The following ORC3 variants were observed in gnomAD, a reference collection of about 807,000 sequenced individuals.
ORC3 encodes the protein homolog of latheo, Drosophila.
Under a neutral mutation model 100.7 loss-of-function variants are expected in ORC3, and 78 were observed. That is an observed-to-expected ratio of 0.77 (90% CI 0.65 to 0.94). ORC3 has a LOEUF of 0.94. ORC3 is among the 40% of genes least tolerant of loss of function. The pLI is 0.00. For synonymous variants in ORC3, 295 were observed against 289.3 expected, an observed-to-expected ratio of 1.02 and a Z score of -0.20; for missense variants, 789 against 823.9, an observed-to-expected ratio of 0.96 and a Z score of 0.52.
chr6:87,672,859 T>C, the ORC3 span, among the ~76,000 whole-genome samples: 1 of 152,054 alleles, frequency 6.6e-6, no homozygotes, highest in Non-Finnish European at 1.5e-5. Flanking sequence ...TATACCTATG[T>C]GCACTTGTTA....
At chr6:87,644,218 A>G (rs1328278301) in intron 13 of ORC3, among the ~76,000 whole-genome samples, 4 of 144,926 alleles carry the variant, frequency 2.8e-5, no homozygotes, top group South Asian at 4.3e-4. Flanking sequence ...TCAGCCTCCC[A>G]AGTAGCTGGG....
chr6:87,656,867 TA>T (rs746667014), intron 14 of ORC3, 38 bp from the exon 15 acceptor site: 71 of 1,400,830 alleles, frequency 5.1e-5, no homozygotes, highest in Non-Finnish European at 6.2e-5. Context: ...GACTTGGATT[TA>T]CCCTCATTGA....
chr6:87,602,092 C>T (rs1777948174), intron 3 of ORC3, among the ~76,000 whole-genome samples: 1 of 152,004 alleles, frequency 6.6e-6, no homozygotes, highest in African/African-American at 2.4e-5. Context: ...ACTAGCTGGG[C>T]ATGGTGGTGT....
intron 9 of ORC3, among the ~76,000 whole-genome samples, chr6:87,617,522 C>T (rs1324915618): frequency 3.9e-5 from 6 of 152,026 alleles, no homozygotes; most frequent in Admixed American, 6.6e-5. Context: ...ATCACTTGAG[C>T]TTAGTAGTTT....
chr6:87,626,366 C>G (rs887973989), intron 11 of ORC3, among the ~76,000 whole-genome samples: 2 of 152,170 alleles, frequency 1.3e-5, no homozygotes, highest in Admixed American at 1.3e-4. Flanking sequence ...TTTCACTGAG[C>G]AGTGGTTTGT....
At chr6:87,609,017 A>G in intron 6 of ORC3, 79 bp from the exon 7 acceptor site, 1 of 1,138,970 alleles carries the variant, frequency 8.8e-7, no homozygotes. Flanking sequence ...AAAGAGAGAT[A>G]TGTCAACATG....
In ORC3 at chr6:87,642,684, C is replaced by T. The variant is rs562405779; in HGVS notation, c.1382+6198C>T. 2.8e-3 allele frequency among the ~76,000 whole-genome samples: 424 copies of T among 152,012 alleles called. 1 individual carries two copies. The highest frequency in any genetic ancestry group is 4.0e-3 in the Non-Finnish European group (270 of 67,976). ...TTGGGAGGCCGAGGCGGATGGATCA[C>T]GAGGTCAGGAGATTGAGACCATCCT... is the stretch of plus-strand genomic sequence containing the variant. On this transcript the variant is annotated intron_variant, in intron 13 of 19. Transcript: ENST00000392844.
At position 87,620,790 on chromosome 6, in the gene ORC3, T is replaced by G. The variant is rs1779477504; in HGVS notation, c.988-564T>G. On this transcript the variant is annotated intron_variant, in intron 9 of 19. Coordinates refer to ENST00000392844, the MANE Select transcript of ORC3 (RefSeq NM_012381.4). ...TTAGAATCTGGAAAATTGTCTTCCC[T>G]TCTACCATAGAGCCCACAGCATTCT... 1.3e-5 allele frequency among the ~76,000 whole-genome samples: 2 copies of G among 152,206 alleles called. 1 individual carries two copies. Among genetic ancestry groups the G allele is most frequent in the Admixed American group, 1.3e-4 (2 of 15,268 alleles).
intron 8 of ORC3, among the ~76,000 whole-genome samples, chr6:87,614,341 A>G (rs1162214269): frequency 6.6e-6 from 1 of 152,148 alleles, no homozygotes; most frequent in Non-Finnish European, 1.5e-5. Context: ...CAGCCCGTGA[A>G]ATCGCTTTTG....
intron 13 of ORC3, among the ~76,000 whole-genome samples, chr6:87,643,702 C>T (rs1053478092): frequency 6.6e-6 from 1 of 152,172 alleles, no homozygotes; most frequent in Non-Finnish European, 1.5e-5. Context: ...ATTTTAAAAA[C>T]TCAGAAATAA....
At chr6:87,635,576 C>T (rs904761753) in intron 12 of ORC3, among the ~76,000 whole-genome samples, 13 of 152,232 alleles carry the variant, frequency 8.5e-5, no homozygotes, top group South Asian at 6.2e-4. Context: ...GCAGGTGGTT[C>T]GCCTGAGGTC....
At chr6:87,665,872 C>A in intron 19 of ORC3, 39 bp downstream of exon 19, 2 of 1,219,702 alleles carry the variant, frequency 1.6e-6, no homozygotes, top group Non-Finnish European at 2.4e-6. Context: ...TCCAACTACA[C>A]ATAAAATATA....
chr6:87,596,219 C>A (rs1174561215), intron 2 of ORC3, among the ~76,000 whole-genome samples: 3 of 150,922 alleles, frequency 2.0e-5, no homozygotes, highest in Non-Finnish European at 4.4e-5. Flanking sequence ...CTGCAACCTC[C>A]GCCTCCCAGG....
At chr6:87,675,979 G>C in the ORC3 span, 1 of 1,515,288 alleles carries the variant, frequency 6.6e-7, no homozygotes, top group Non-Finnish European at 9.0e-7. Context: ...TGCCTTATTA[G>C]AGCCAGATAA....
downstream of ORC3, among the ~76,000 whole-genome samples, chr6:87,667,664 C>T (rs1182286287): frequency 6.6e-6 from 1 of 151,724 alleles, no homozygotes; most frequent in African/African-American, 2.4e-5. Context: ...CGTGGTGGCT[C>T]ACACCTGTAA....
At position 87,603,448 on chromosome 6, in the gene ORC3, A is replaced by T; in HGVS notation, c.242A>T (p.His81Leu). 1 of 1,533,110 alleles carries T rather than the reference A, an allele frequency of 6.5e-7. No homozygotes were observed. Among genetic ancestry groups the T allele is most frequent in the South Asian group, 1.3e-5 (1 of 78,732 alleles). The allele number at this position is 1,533,110 out of a possible 1,614,324, so 95.0% of individuals were successfully genotyped here. A position where few individuals can be genotyped will look rare whatever the true frequency, so the allele number is the denominator to read the frequency against. The change falls in exon 4 of 20, where the codon CAT becomes CTT. Residue 81 changes from histidine to leucine, a missense_variant. This residue lies in a region of ORC3 where 399 missense variants were observed against 382.0 expected (regional missense o/e 1.04). Coordinates refer to ENST00000392844, the MANE Select transcript of ORC3 (RefSeq NM_012381.4). ...CTGATTGAATTTCTGCAAAAATCACATTCTGGATTCCAGAAGAATTCAAGA... is the reference window on the plus strand; with the variant it reads ...CTGATTGAATTTCTGCAAAAATCACTTTCTGGATTCCAGAAGAATTCAAGA... ...DNLIEFLQKS[H>L]SGFQKNSRDL... is the part of the protein sequence containing the mutation.
At chr6:87,610,699 G>A (rs1286980821) in intron 7 of ORC3, among the ~76,000 whole-genome samples, 8 of 146,432 alleles carry the variant, frequency 5.5e-5, no homozygotes, top group East Asian at 2.0e-4. Flanking sequence ...GACTACAGGC[G>A]CCCGCCACCG....
At chr6:87,653,366 C>T in intron 14 of ORC3, 117 bp downstream of exon 14, 2 of 857,702 alleles carry the variant, frequency 2.3e-6, no homozygotes, top group Non-Finnish European at 3.5e-6. Flanking sequence ...AGTTCATGAT[C>T]AGTCAGTATG....
rs201077865 is a variant in ORC3 at position 87,601,900 on chromosome 6, A to G, written c.177+19A>G. ...AAATGAGGTGAATACTTTTTTTAAT[A>G]ATTTTCTGTAACACCCTAAGTCTCA... On this transcript the variant is annotated intron_variant, in intron 3 of 19. Transcript: ENST00000392844. The G allele has an allele frequency of 1.6e-4, 222 of 1,353,930 alleles. 2 individuals are homozygous for G. Among genetic ancestry groups the G allele is most frequent in the Non-Finnish European group, 2.3e-4 (216 of 943,486 alleles). The allele number at this position is 1,353,930 out of a possible 1,614,324, so 83.9% of individuals were successfully genotyped here.
Sources: allele counts gnomAD v4.1 joint callset (sites outside exome capture counted in the v4.1 genomes callset), GRCh38; gene constraint gnomAD v4.1.1; regional missense constraint gnomAD v4.1.1; transcripts MANE v1.5; gene names NCBI Gene and HGNC (gene_info 2026-07-23, HGNC 2026-07-21).